ASRGL1: variants seen among roughly 807,000 people sequenced by gnomAD.
ASRGL1 encodes isoaspartyl peptidase/L-asparaginase.
In ASRGL1, 16 loss-of-function variants were observed where a neutral mutation model predicts 22.4. The ratio of observed to expected loss-of-function variants is 0.71; its 90% CI spans 0.48 to 1.08. The LOEUF is 1.08. Ranked by LOEUF, ASRGL1 falls within the 50% of genes least tolerant of loss-of-function variation. ASRGL1 has a pLI of 0.00. For synonymous variants in ASRGL1, 165 were observed against 159.3 expected (o/e 1.04, Z -0.27); for missense variants, 412 against 410.1 (o/e 1.00, Z -0.04).
At chr11:62,372,606 G>T in intron 4 of ASRGL1, 1 of 874,042 alleles carries the variant, frequency 1.1e-6, no homozygotes. Flanking sequence ...GGTTATGCGA[G>T]ACGTGGCCTG....
chr11:62,375,638 G>A (rs1047476815), intron 4 of ASRGL1, among the ~76,000 whole-genome samples: 1 of 151,424 alleles, frequency 6.6e-6, no homozygotes, highest in Non-Finnish European at 1.5e-5. Flanking sequence ...GTTTGGCAGG[G>A]CAACGATCAT....
At chr11:62,395,993 C>T (rs1257678113), downstream of ASRGL1, among the ~76,000 whole-genome samples, 1 of 151,638 alleles carries the variant, frequency 6.6e-6, no homozygotes, top group African/African-American at 2.4e-5. Context: ...AGGCTGGTCT[C>T]GAACTCCTGA....
intron 2 of ASRGL1, 24 bp downstream of exon 2, chr11:62,338,191 A>G (rs1300299336): frequency 1.3e-6 from 2 of 1,518,910 alleles, no homozygotes; most frequent in Non-Finnish European, 8.8e-7. Context: ...TCAGCTAGTA[A>G]ATAATGTGAG....
At chr11:62,400,733 C>G in the ASRGL1 span, among the ~76,000 whole-genome samples, 1 of 152,228 alleles carries the variant, frequency 6.6e-6, no homozygotes, top group East Asian at 1.9e-4. Flanking sequence ...CGTCACACAG[C>G]AGGTAAGTGG....
At chr11:62,358,750 A>T (rs1590722148) in intron 4 of ASRGL1, among the ~76,000 whole-genome samples, 1 of 152,302 alleles carries the variant, frequency 6.6e-6, no homozygotes, top group East Asian at 1.9e-4. Flanking sequence ...CCATCAAGGA[A>T]ATCTCCACAT....
intron 4 of ASRGL1, chr11:62,371,255 G>A: frequency 1.5e-6 from 2 of 1,326,820 alleles, no homozygotes; most frequent in Non-Finnish European, 2.0e-6. Flanking sequence ...CCTCCCGAGC[G>A]CTGCAGTAGC....
At chr11:62,367,560 C>T (rs762276941) in intron 4 of ASRGL1, among the ~76,000 whole-genome samples, 4 of 152,004 alleles carry the variant, frequency 2.6e-5, no homozygotes, top group Non-Finnish European at 5.9e-5. Flanking sequence ...AGGAGAATCA[C>T]TTGCACCCAG....
intron 4 of ASRGL1, among the ~76,000 whole-genome samples, chr11:62,364,000 A>C (rs1946546586): frequency 6.6e-6 from 1 of 151,906 alleles, no homozygotes; most frequent in Non-Finnish European, 1.5e-5. Flanking sequence ...CTACTAAAAA[A>C]TACAAAAAAT....
At chr11:62,372,028 C>A in intron 4 of ASRGL1, 1 of 741,126 alleles carries the variant, frequency 1.3e-6, no homozygotes, top group Admixed American at 1.8e-5. Flanking sequence ...TGTGGGGACC[C>A]CATAGGTATG....
At chr11:62,364,133 T>C (rs1188816283) in intron 4 of ASRGL1, among the ~76,000 whole-genome samples, 1 of 114,574 alleles carries the variant, frequency 8.7e-6, no homozygotes, top group African/African-American at 3.4e-5. Flanking sequence ...CACTCCAGCC[T>C]GGGTGACAGG....
chr11:62,376,313 C>T (rs926365552), intron 4 of ASRGL1, among the ~76,000 whole-genome samples: 6 of 151,622 alleles, frequency 4.0e-5, no homozygotes, highest in African/African-American at 1.2e-4. Context: ...TGATGGTGCT[C>T]GATTGCAGTG....
At position 62,344,005 on chromosome 11, in the gene ASRGL1, C is replaced by T. The variant is rs1021733151; in HGVS notation, c.190+5838C>T. ...GAGAAATGGCGCGATCTCAGCTCAC[C>T]GCAACCTCCACCTCCTGAGTAGCTA... On this transcript the variant is annotated intron_variant, in intron 2 of 6. Coordinates refer to ENST00000415229, the MANE Select transcript of ASRGL1 (RefSeq NM_001083926.2). Among the ~76,000 whole-genome samples, 7 of 150,100 alleles carry T rather than the reference C, an allele frequency of 4.7e-5. No individual in the cohort carries two copies. The East Asian group carries it at 5.9e-4, about 13-fold the overall frequency.
the ASRGL1 span, among the ~76,000 whole-genome samples, chr11:62,398,712 C>T: frequency 6.6e-6 from 1 of 152,238 alleles, no homozygotes; most frequent in Admixed American, 6.5e-5. Context: ...CATGTCTCCC[C>T]GGTGACCTCA....
chr11:62,337,950 G>C lies in ASRGL1; in HGVS notation c.-28G>C. 3 of 1,569,576 alleles carry C rather than the reference G, an allele frequency of 1.9e-6. No individual in the cohort carries two copies. Among genetic ancestry groups the C allele is most frequent in the South Asian group, 1.2e-5 (1 of 85,850 alleles). ...TGGGCTGGCTTTGGACGACGCTTTC[G>C]CCTTCCTGCTGCCTAGGATCCGCCG... On this transcript the variant is annotated 5_prime_UTR_variant, in exon 2 of 7. Transcript: ENST00000415229.
intron 4 of ASRGL1, among the ~76,000 whole-genome samples, chr11:62,363,951 G>A (rs1278814999): frequency 6.6e-6 from 1 of 152,030 alleles, no homozygotes; most frequent in Non-Finnish European, 1.5e-5. Flanking sequence ...GAGCTCAGGA[G>A]TTCACAACCA....
intron 4 of ASRGL1, among the ~76,000 whole-genome samples, chr11:62,370,274 A>G (rs1946728954): frequency 6.6e-6 from 1 of 152,198 alleles, no homozygotes; most frequent in Non-Finnish European, 1.5e-5. Flanking sequence ...CAAGTAAACA[A>G]TCTGCAGTTT....
chr11:62,372,693 G>A, intron 4 of ASRGL1: 1 of 1,263,352 alleles, frequency 7.9e-7, no homozygotes. Flanking sequence ...TGGCTGGCTG[G>A]GCTACACAGA....
At chr11:62,368,763 CTG>C (rs143157476) in intron 4 of ASRGL1, among the ~76,000 whole-genome samples, 10,013 of 152,144 alleles carry the variant, frequency 0.066, 503 homozygotes, top group Non-Finnish European at 0.096. Context: ...GCAAAGGTCT[CTG>C]TGTCATAAAC....
intron 4 of ASRGL1, among the ~76,000 whole-genome samples, chr11:62,363,018 A>G (rs1483318246): frequency 7.5e-6 from 1 of 132,694 alleles, no homozygotes; most frequent in African/African-American, 2.9e-5. Flanking sequence ...TCCAGGGTTC[A>G]CGCCATTCTC....
Sources: gnomAD v4.1 joint callset for allele counts (sites outside exome capture counted in the v4.1 genomes callset) on GRCh38, gnomAD v4.1.1 for gene constraint, MANE v1.5 for transcripts, NCBI Gene and HGNC (gene_info 2026-07-23, HGNC 2026-07-21) for gene names.